Variants in JAKMIP2 observed in about 807,000 individuals in gnomAD.
The protein encoded by JAKMIP2 is janus kinase and microtubule-interacting protein 2.
A neutral mutation model predicts 115.0 loss-of-function variants in JAKMIP2; 25 were observed. That is an observed-to-expected ratio of 0.22 (90% CI 0.16 to 0.30). The LOEUF (loss-of-function observed/expected upper bound fraction) is 0.30, where lower values mean the gene tolerates loss of function less well. JAKMIP2 is among the 10% of genes least tolerant of loss of function. The pLI is 1.00. For synonymous variants in JAKMIP2, 334 were observed against 343.6 expected, an observed-to-expected ratio of 0.97 and a Z score of 0.31; for missense variants, 642 against 957.6, an observed-to-expected ratio of 0.67 and a Z score of 4.35.
chr5:147,622,253 TGTG>T (rs1458005350), intron 17 of JAKMIP2, among the ~76,000 whole-genome samples: 1 of 152,258 alleles, frequency 6.6e-6, no homozygotes, highest in East Asian at 1.9e-4. Context: ...CTTTTAAAAT[TGTG>T]GTAAAATGCA....
chr5:147,627,164 T>A (rs190440263), intron 16 of JAKMIP2, among the ~76,000 whole-genome samples: 2 of 152,136 alleles, frequency 1.3e-5, no homozygotes, highest in African/African-American at 4.8e-5. Flanking sequence ...TGGGGCCATA[T>A]GACAAATGCA....
intron 1 of JAKMIP2, among the ~76,000 whole-genome samples, chr5:147,711,022 T>TTGAAC (rs1041490930): frequency 5.3e-5 from 8 of 152,336 alleles, no homozygotes; most frequent in African/African-American, 1.9e-4. Flanking sequence ...TTTACTATTG[T>TTGAAC]TGAACAGGTA....
intron 1 of JAKMIP2, among the ~76,000 whole-genome samples, chr5:147,743,956 CCTCCCTCCCTCCTT>C (rs1027484964): frequency 6.6e-6 from 1 of 150,962 alleles, no homozygotes; most frequent in African/African-American, 2.4e-5. Context: ...CTTTCCCCTC[CCTCCCTCCCTCCTT>C]CTCCCTCCCT....
Position 147,671,857 on chromosome 5 carries a change from G to A in JAKMIP2, c.-51C>T. 1 of 1,480,372 alleles carries A rather than the reference G, an allele frequency of 6.8e-7. No individual in the cohort carries two copies. Among genetic ancestry groups the A allele is most frequent in the Non-Finnish European group, 9.0e-7 (1 of 1,105,920 alleles). 91.7% of individuals were successfully genotyped at this position (1,480,372 alleles called of 1,614,324 possible). On this transcript the variant is annotated 5_prime_UTR_variant, in exon 2 of 22. Transcript: ENST00000616793. Reference sequence around the variant, plus strand: ...GGTTTTTAATTTCTTTCAAGCAGGTGCTGCCATGTTACTGTTTCTTATCCT... The same window carrying A: ...GGTTTTTAATTTCTTTCAAGCAGGTACTGCCATGTTACTGTTTCTTATCCT...
intron 1 of JAKMIP2, among the ~76,000 whole-genome samples, chr5:147,764,944 GAGGGAGAGAGAGAGAGAGAGAGGGGGA>G (rs1755081025): frequency 4.0e-5 from 3 of 75,338 alleles, no homozygotes; most frequent in African/African-American, 8.1e-5. Flanking sequence ...GAGAGAGAGA[GAGGGAGAGAGAGAGAGAGAGAGGGGGA>G]GAGAGAGAGA....
chr5:147,626,634 C>T (rs1757109917), intron 16 of JAKMIP2, among the ~76,000 whole-genome samples: 1 of 152,180 alleles, frequency 6.6e-6, no homozygotes, highest in African/African-American at 2.4e-5. Context: ...TCAAAAGGAG[C>T]ACTGCGCAAG....
intron 7 of JAKMIP2, among the ~76,000 whole-genome samples, chr5:147,643,177 T>C (rs975977688): frequency 2.0e-5 from 3 of 152,104 alleles, no homozygotes; most frequent in Non-Finnish European, 4.4e-5. Flanking sequence ...CCTAATACAA[T>C]TATATATTTA....
intron 1 of JAKMIP2, among the ~76,000 whole-genome samples, chr5:147,677,415 A>T (rs970750526): frequency 3.3e-5 from 5 of 152,200 alleles, no homozygotes; most frequent in Non-Finnish European, 7.3e-5. Flanking sequence ...TTATATATTA[A>T]AAGAGCCCTT....
intron 1 of JAKMIP2, among the ~76,000 whole-genome samples, chr5:147,701,006 A>G (rs1338250687): frequency 1.3e-5 from 2 of 152,138 alleles, no homozygotes; most frequent in Non-Finnish European, 2.9e-5. Flanking sequence ...AATAAAGAAA[A>G]GTATGGGAGC....
chr5:147,627,258 G>A (rs886078001), intron 16 of JAKMIP2, among the ~76,000 whole-genome samples: 1 of 152,128 alleles, frequency 6.6e-6, no homozygotes, highest in Non-Finnish European at 1.5e-5. Flanking sequence ...AACACCTAAG[G>A]GGGCTTGGAT....
rs1036427335 is a variant in JAKMIP2, at chr5:147,661,379, G to A, written c.196C>T (p.His66Tyr). 2.5e-6 allele frequency: 4 copies of A among 1,613,886 alleles called. No homozygotes were observed. The African/African-American group carries it at 5.3e-5, about 22-fold the overall frequency. The change falls in exon 3 of 22, where the codon CAC becomes TAC. Residue 66 changes from histidine to tyrosine, a missense_variant. This residue lies in a region of JAKMIP2 where 439 missense variants were observed against 570.9 expected (regional missense o/e 0.77). Transcript: ENST00000616793. ...TTGAGTTCTGTCACCAGCACCGTGTGCTTGCGCTGCTCCAGCTCACGAATC... is the reference window on the plus strand; with the variant it reads ...TTGAGTTCTGTCACCAGCACCGTGTACTTGCGCTGCTCCAGCTCACGAATC... ...KRIRELEQRK[H>Y]TVLVTELKAK...
At chr5:147,721,107 C>A (rs1054248257) in intron 1 of JAKMIP2, among the ~76,000 whole-genome samples, 1 of 151,810 alleles carries the variant, frequency 6.6e-6, no homozygotes, top group Non-Finnish European at 1.5e-5. Flanking sequence ...AGTACCCTGC[C>A]ATGTGAGGTG....
chr5:147,693,514 G>T (rs945617847), intron 1 of JAKMIP2, among the ~76,000 whole-genome samples: 2 of 152,022 alleles, frequency 1.3e-5, no homozygotes, highest in Admixed American at 6.6e-5. Flanking sequence ...AGACAGCAAT[G>T]AACAAAATAG....
chr5:147,764,889 G>T (rs1580894754), intron 1 of JAKMIP2, among the ~76,000 whole-genome samples: 1 of 60,516 alleles, frequency 1.7e-5, no homozygotes, highest in East Asian at 6.7e-4. Flanking sequence ...TGTCTAAAAG[G>T]GAAAGAAAGA....
At chr5:147,755,819 CT>C (rs1754724322) in intron 1 of JAKMIP2, among the ~76,000 whole-genome samples, 2 of 152,018 alleles carry the variant, frequency 1.3e-5, no homozygotes, top group African/African-American at 4.8e-5. Flanking sequence ...GACCCAAGCT[CT>C]TTTTTGAAAG....
intron 3 of JAKMIP2, among the ~76,000 whole-genome samples, chr5:147,653,678 C>T (rs547056879): frequency 5.9e-5 from 9 of 152,086 alleles, no homozygotes; most frequent in East Asian, 1.9e-4. Flanking sequence ...CACTCTGATG[C>T]GAGTTTCTTT....
chr5:147,615,390 G>A (rs1003139698), intron 19 of JAKMIP2, among the ~76,000 whole-genome samples: 1 of 152,160 alleles, frequency 6.6e-6, no homozygotes, highest in African/African-American at 2.4e-5. Flanking sequence ...GGGCTTAGAG[G>A]TGGAAAATCA....
intron 1 of JAKMIP2, among the ~76,000 whole-genome samples, chr5:147,738,676 T>C (rs4705043): frequency 0.46 from 69,633 of 151,846 alleles, 17,120 homozygotes; most frequent in African/African-American, 0.64. Flanking sequence ...AATTTATAAT[T>C]TATCAATATA....
chr5:147,669,443 C>A (rs1359679823), intron 2 of JAKMIP2, among the ~76,000 whole-genome samples: 2 of 152,050 alleles, frequency 1.3e-5, no homozygotes, highest in East Asian at 3.9e-4. Flanking sequence ...GGTGCCAGGC[C>A]CAAGATAAAC....
Sources: gnomAD v4.1 joint callset for allele counts (sites outside exome capture counted in the v4.1 genomes callset) on GRCh38, gnomAD v4.1.1 for gene constraint, gnomAD v4.1.1 regional missense constraint, MANE v1.5 for transcripts, NCBI Gene and HGNC (gene_info 2026-07-23, HGNC 2026-07-21) for gene names.